DOCK2: variants seen among roughly 807,000 people sequenced by gnomAD.
DOCK2 encodes the protein dedicator of cytokinesis protein 2.
DOCK2 carries 87 observed loss-of-function variants against 248.9 expected under a neutral mutation model. The ratio of observed to expected loss-of-function variants is 0.35; its 90% CI spans 0.29 to 0.42. The LOEUF (loss-of-function observed/expected upper bound fraction) is 0.42, where lower values mean the gene tolerates loss of function less well. Ranked by LOEUF, DOCK2 falls within the 10% of genes least tolerant of loss-of-function variation. The pLI is 1.00. For missense variants in DOCK2, 1,747 were observed against 2,300.2 expected, an observed-to-expected ratio of 0.76 and a Z score of 4.92; for synonymous variants, 805 against 821.6, an observed-to-expected ratio of 0.98 and a Z score of 0.35.
intron 2 of DOCK2, 79 bp from the exon 3 acceptor site, chr5:169,669,209 A>G: frequency 6.3e-7 from 1 of 1,591,480 alleles, no homozygotes; most frequent in Non-Finnish European, 8.6e-7. Flanking sequence ...AGTTTAAAAC[A>G]AAACAAAACA....
intron 27 of DOCK2, among the ~76,000 whole-genome samples, chr5:169,888,307 G>T (rs1370222012): frequency 6.6e-6 from 1 of 152,196 alleles, no homozygotes; most frequent in African/African-American, 2.4e-5. Flanking sequence ...GGCATTGGTG[G>T]TTAGGGCTAA....
intron 29 of DOCK2, among the ~76,000 whole-genome samples, chr5:169,986,766 G>T (rs540046604): frequency 7.9e-5 from 12 of 152,042 alleles, no homozygotes; most frequent in African/African-American, 2.2e-4. Context: ...CTTTCCTTTG[G>T]CTTATTTTAT....
chr5:169,896,305 C>T (rs1198763936), intron 27 of DOCK2, among the ~76,000 whole-genome samples: 1 of 152,118 alleles, frequency 6.6e-6, no homozygotes, highest in African/African-American at 2.4e-5. Flanking sequence ...CCTTAAATCC[C>T]ATGTGGAGTG....
chr5:170,027,841 T>C (rs773686972), intron 33 of DOCK2, 22 bp from the exon 34 acceptor site: 6 of 1,607,388 alleles, frequency 3.7e-6, no homozygotes, highest in Non-Finnish European at 4.2e-6. Flanking sequence ...TTATTGTTGA[T>C]TTTTGTCTCC....
intron 22 of DOCK2, among the ~76,000 whole-genome samples, chr5:169,737,451 TC>T (rs1763097439): frequency 6.6e-6 from 1 of 152,214 alleles, no homozygotes; most frequent in Admixed American, 6.5e-5. Context: ...TGATCCTTTT[TC>T]CTGGCATACA....
At chr5:169,783,232 A>G (rs111537394) in intron 25 of DOCK2, among the ~76,000 whole-genome samples, 69 of 152,342 alleles carry the variant, frequency 4.5e-4, no homozygotes, top group African/African-American at 1.7e-3. Context: ...TTCAACTTTT[A>G]TTATATTAGA....
At chr5:169,716,033 TGGGCA>T (rs1761892639) in intron 19 of DOCK2, among the ~76,000 whole-genome samples, 175 bp from the exon 20 acceptor site, 1 of 152,250 alleles carries the variant, frequency 6.6e-6, no homozygotes, top group Admixed American at 6.5e-5. Context: ...CTGCTGTTGA[TGGGCA>T]GTTGGGTTCC....
chr5:170,045,914 T>C lies in DOCK2; in HGVS notation c.3966+9T>C, dbSNP rs760487451. 3 of 1,613,986 alleles carry C rather than the reference T, an allele frequency of 1.9e-6. No individual in the cohort carries two copies. The highest frequency in any genetic ancestry group is 2.5e-6 in the Non-Finnish European group (3 of 1,179,910). On this transcript the variant is annotated intron_variant, in intron 39 of 51. Transcript: ENST00000520908. Reference sequence around the variant, plus strand: ...TGCTCAGCCAGAACCTGGTAAGGCATCCCCTGGGAAGGCTGAATGCCCTGC... The same window carrying C: ...TGCTCAGCCAGAACCTGGTAAGGCACCCCCTGGGAAGGCTGAATGCCCTGC...
chr5:169,898,744 T>G (rs904967499), intron 27 of DOCK2, among the ~76,000 whole-genome samples: 2 of 152,200 alleles, frequency 1.3e-5, no homozygotes, highest in East Asian at 3.9e-4. Context: ...CGTTGTAGCC[T>G]GAAAGCACAC....
intron 29 of DOCK2, among the ~76,000 whole-genome samples, chr5:169,989,699 T>C (rs1038731313): frequency 5.3e-5 from 8 of 152,250 alleles, no homozygotes; most frequent in African/African-American, 1.9e-4. Flanking sequence ...GCAAGATCCT[T>C]CACCACTCTA....
At chr5:169,962,553 C>T (rs891668976) in intron 27 of DOCK2, among the ~76,000 whole-genome samples, 2 of 152,162 alleles carry the variant, frequency 1.3e-5, no homozygotes, top group Non-Finnish European at 2.9e-5. Context: ...GTAGTTGTGT[C>T]TATCACTAGA....
At chr5:170,051,560 G>A (rs1334484508) in intron 41 of DOCK2, among the ~76,000 whole-genome samples, 3 of 152,172 alleles carry the variant, frequency 2.0e-5, no homozygotes, top group Non-Finnish European at 4.4e-5. Flanking sequence ...GGCCTTCTCT[G>A]AACTCTTCAT....
At chr5:170,014,245 G>C (rs933782379) in intron 32 of DOCK2, among the ~76,000 whole-genome samples, 2 of 151,996 alleles carry the variant, frequency 1.3e-5, no homozygotes, top group East Asian at 1.9e-4. Context: ...AACCAACATC[G>C]AGCACTGTGG....
intron 22 of DOCK2, among the ~76,000 whole-genome samples, chr5:169,725,064 C>CTT (rs1420726943): frequency 6.6e-6 from 1 of 152,204 alleles, no homozygotes; most frequent in Non-Finnish European, 1.5e-5. Flanking sequence ...ATGTAATCAT[C>CTT]TGTTTATGCC....
chr5:169,800,955 T>C (rs76759716), intron 25 of DOCK2, among the ~76,000 whole-genome samples: 2 of 83,062 alleles, frequency 2.4e-5, no homozygotes, highest in Non-Finnish European at 5.4e-5. Context: ...TTTTTTTTTT[T>C]TTTTTTTTTT....
At chr5:169,864,061 G>A (rs1331394204) in intron 27 of DOCK2, among the ~76,000 whole-genome samples, 1 of 152,192 alleles carries the variant, frequency 6.6e-6, no homozygotes, top group African/African-American at 2.4e-5. Context: ...TGTCCGTGAA[G>A]CCCTCAGCAA....
At chr5:169,655,400 C>T (rs1442045506) in intron 2 of DOCK2, among the ~76,000 whole-genome samples, 2 of 152,184 alleles carry the variant, frequency 1.3e-5, no homozygotes, top group Non-Finnish European at 2.9e-5. Flanking sequence ...TAGAGGAGGC[C>T]CTGGGGAGGG....
chr5:170,080,612 C>T lies in DOCK2; in HGVS notation c.5287+329C>T, dbSNP rs77233149. The T allele has an allele frequency of 3.4e-3, 1,044 of 310,926 alleles. 2 individuals are homozygous for T. The highest frequency in any genetic ancestry group is 5.3e-3 in the Non-Finnish European group (862 of 161,956). 19.3% of individuals were successfully genotyped at this position (310,926 alleles called of 1,614,324 possible). A position where few individuals can be genotyped will look rare whatever the true frequency, so the allele number is the denominator to read the frequency against. On this transcript the variant is annotated intron_variant, in intron 50 of 51. Transcript: ENST00000520908. ...CCTCCCCAGGGGCCAGAAGTTTGCC[C>T]TTGGTATGTCCCTAAGACCTGTGGC...
chr5:169,972,844 G>C (rs552317826), intron 27 of DOCK2, among the ~76,000 whole-genome samples: 2 of 152,280 alleles, frequency 1.3e-5, no homozygotes, highest in South Asian at 4.1e-4. Flanking sequence ...CCTTGCTGCA[G>C]TTAAGCACTG....
Sources: allele counts gnomAD v4.1 joint callset (sites outside exome capture counted in the v4.1 genomes callset), GRCh38; gene constraint gnomAD v4.1.1; transcripts MANE v1.5; gene names NCBI Gene and HGNC (gene_info 2026-07-23, HGNC 2026-07-21).